The following GPC6 variants were observed in gnomAD, a reference collection of about 807,000 sequenced individuals.
The protein encoded by GPC6 is glypican 6.
A neutral mutation model predicts 55.2 loss-of-function variants in GPC6; 14 were observed. The ratio of observed to expected loss-of-function variants is 0.25; its 90% CI spans 0.17 to 0.40. The LOEUF (loss-of-function observed/expected upper bound fraction) is 0.40, where lower values mean the gene tolerates loss of function less well. Among genes scored for constraint, GPC6 ranks in the 10% least tolerant of loss-of-function variants. The pLI, the probability that GPC6 is intolerant of heterozygous loss-of-function variation, is 1.00. For missense variants in GPC6, 641 were observed against 708.5 expected (o/e 0.90, Z 1.08); for synonymous variants, 278 against 259.6 (o/e 1.07, Z -0.68).
intron 1 of GPC6, among the ~76,000 whole-genome samples, chr13:93,372,913 G>A (rs1250038169): frequency 2.6e-5 from 4 of 152,160 alleles, no homozygotes; most frequent in African/African-American, 9.7e-5. Context: ...TTGTAATTCT[G>A]TTGTGACCAG....
At chr13:93,692,928 T>G (rs923743567) in intron 2 of GPC6, among the ~76,000 whole-genome samples, 1 of 152,146 alleles carries the variant, frequency 6.6e-6, no homozygotes, top group Non-Finnish European at 1.5e-5. Context: ...TCACTTTGTA[T>G]TAAAAGCAAA....
chr13:94,271,020 C>T (rs1377943480), intron 4 of GPC6, among the ~76,000 whole-genome samples: 3 of 122,942 alleles, frequency 2.4e-5, no homozygotes, highest in East Asian at 2.6e-4. Flanking sequence ...GACGGAGTCT[C>T]GCTCTGTCGC....
intron 2 of GPC6, among the ~76,000 whole-genome samples, chr13:93,555,212 C>T (rs1317124598): frequency 1.3e-5 from 2 of 152,144 alleles, no homozygotes; most frequent in Non-Finnish European, 2.9e-5. Context: ...CTCCTTAATG[C>T]TTCTAGAGTT....
At chr13:93,753,864 C>A (rs902718600) in intron 2 of GPC6, among the ~76,000 whole-genome samples, 2 of 152,176 alleles carry the variant, frequency 1.3e-5, no homozygotes, top group Non-Finnish European at 1.5e-5. Flanking sequence ...TCACTGTAAC[C>A]TCCAACTCCT....
intron 1 of GPC6, among the ~76,000 whole-genome samples, chr13:93,473,330 C>A (rs1263428489): frequency 2.0e-5 from 3 of 152,182 alleles, no homozygotes; most frequent in Admixed American, 6.5e-5. Flanking sequence ...ATGGAGCAGG[C>A]CAGGGTGCAG....
At position 93,342,306 on chromosome 13, in the gene GPC6, AAAG is replaced by A. The variant is rs527269572; in HGVS notation, c.160+114698_160+114700del. ...AGAAATACCTGAGATTGGGTAATTAAAAGAAGAAGAGGTTTAATGGATTCACAG... is the reference window on the plus strand; with the variant it reads ...AGAAATACCTGAGATTGGGTAATTAAAAGAAGAGGTTTAATGGATTCACAG... On this transcript the variant is annotated intron_variant, in intron 1 of 8. Coordinates refer to ENST00000377047, the MANE Select transcript of GPC6 (RefSeq NM_005708.5). 2.9e-3 allele frequency among the ~76,000 whole-genome samples: 439 copies of A among 152,222 alleles called. 3 individuals carry two copies. Among genetic ancestry groups the A allele is most frequent in the African/African-American group, 9.5e-3 (393 of 41,534 alleles).
intron 5 of GPC6, among the ~76,000 whole-genome samples, chr13:94,292,572 T>A (rs1237506623): frequency 6.6e-6 from 1 of 152,202 alleles, no homozygotes; most frequent in Non-Finnish European, 1.5e-5. Context: ...TATAAAATTC[T>A]TCTTTCTCTC....
chr13:93,731,665 A>G (rs1883824752), intron 2 of GPC6, among the ~76,000 whole-genome samples: 1 of 152,160 alleles, frequency 6.6e-6, no homozygotes, highest in Middle Eastern at 3.2e-3. Flanking sequence ...ATATACATGC[A>G]GATATGGGCA....
chr13:93,798,411 C>T (rs766018843), intron 2 of GPC6, among the ~76,000 whole-genome samples: 4 of 152,122 alleles, frequency 2.6e-5, no homozygotes, highest in Non-Finnish European at 5.9e-5. Context: ...TTAGGTCAGT[C>T]TACCATATAA....
intron 1 of GPC6, among the ~76,000 whole-genome samples, chr13:93,255,576 A>G (rs1239811893): frequency 1.3e-5 from 2 of 152,144 alleles, no homozygotes; most frequent in Non-Finnish European, 2.9e-5. Flanking sequence ...TTTCAATGTC[A>G]TACATACTGA....
intron 1 of GPC6, among the ~76,000 whole-genome samples, chr13:93,452,637 C>T (rs953957990): frequency 6.6e-6 from 1 of 152,042 alleles, no homozygotes; most frequent in African/African-American, 2.4e-5. Context: ...GCACTTTGGC[C>T]CATTGTTTTG....
intron 2 of GPC6, among the ~76,000 whole-genome samples, chr13:93,603,140 G>C (rs1225712274): frequency 6.6e-6 from 1 of 152,044 alleles, no homozygotes; most frequent in Non-Finnish European, 1.5e-5. Context: ...ATCCTGAGTA[G>C]CTGGGACCAC....
At chr13:93,832,756 G>C (rs1887568798) in intron 3 of GPC6, among the ~76,000 whole-genome samples, 1 of 152,044 alleles carries the variant, frequency 6.6e-6, no homozygotes, top group Non-Finnish European at 1.5e-5. Context: ...ATTCCTTCTG[G>C]CGAAGGATGA....
intron 1 of GPC6, among the ~76,000 whole-genome samples, chr13:93,543,674 T>C (rs2139431225): frequency 6.6e-6 from 1 of 152,240 alleles, no homozygotes; most frequent in Non-Finnish European, 1.5e-5. Flanking sequence ...TAAGGCTGAG[T>C]ACTATTCCAT....
intron 6 of GPC6, among the ~76,000 whole-genome samples, chr13:94,330,508 G>A (rs886164659): frequency 1.3e-5 from 2 of 152,180 alleles, no homozygotes; most frequent in East Asian, 1.9e-4. Context: ...AGCCAAGGTT[G>A]CTAGCCACTT....
chr13:94,328,086 T>A (rs1229066224), intron 6 of GPC6, among the ~76,000 whole-genome samples: 1 of 152,326 alleles, frequency 6.6e-6, no homozygotes, highest in East Asian at 1.9e-4. Context: ...AAAGGATTCC[T>A]CTGCACATTA....
At chr13:93,393,127 T>TATATATATATATATAG (rs1230857277) in intron 1 of GPC6, among the ~76,000 whole-genome samples, 5 of 87,624 alleles carry the variant, frequency 5.7e-5, no homozygotes, top group South Asian at 7.9e-4. Flanking sequence ...TATATATATA[T>TATATATATATATATAG]AGAGAGAGAG....
intron 2 of GPC6, among the ~76,000 whole-genome samples, chr13:93,624,717 C>CCTTG (rs1402223667): frequency 6.6e-6 from 1 of 152,196 alleles, no homozygotes; most frequent in Non-Finnish European, 1.5e-5. Flanking sequence ...CCAAGCCAAA[C>CCTTG]CTTGCCATAA....
chr13:93,832,458 T>C (rs1468155340), intron 3 of GPC6, among the ~76,000 whole-genome samples: 1 of 152,160 alleles, frequency 6.6e-6, no homozygotes, highest in East Asian at 1.9e-4. Flanking sequence ...TTGAGAAATA[T>C]GAATTAAGAA....
Sources: allele counts gnomAD v4.1 joint callset (sites outside exome capture counted in the v4.1 genomes callset), GRCh38; gene constraint gnomAD v4.1.1; transcripts MANE v1.5; gene names NCBI Gene and HGNC (gene_info 2026-07-23, HGNC 2026-07-21).